RBM47: variants seen among roughly 807,000 people sequenced by gnomAD.
RBM47 encodes the protein RNA-binding protein 47.
Under a neutral mutation model 47.1 loss-of-function variants are expected in RBM47, and 21 were observed. The observed-to-expected ratio is 0.45, with a 90% CI of 0.32 to 0.64. The LOEUF is 0.64. RBM47 is among the 30% of genes least tolerant of loss of function. RBM47 has a pLI of 0.05. For missense variants in RBM47, 708 were observed against 870.9 expected, an observed-to-expected ratio of 0.81 and a Z score of 2.35; for synonymous variants, 375 against 361.7, an observed-to-expected ratio of 1.04 and a Z score of -0.42.
At chr4:40,499,275 A>G (rs1171702061) in intron 2 of RBM47, among the ~76,000 whole-genome samples, 1 of 152,220 alleles carries the variant, frequency 6.6e-6, no homozygotes, top group Non-Finnish European at 1.5e-5. Context: ...AAGTTCTCTT[A>G]AGGTTTTGAA....
chr4:40,438,958 C>A (rs1176191841), intron 3 of RBM47, 34 bp from the exon 4 acceptor site: 11 of 1,449,282 alleles, frequency 7.6e-6, no homozygotes, highest in Non-Finnish European at 1.0e-5. Flanking sequence ...AGTGGGGAAC[C>A]GCTGGATCTT....
intron 1 of RBM47, among the ~76,000 whole-genome samples, chr4:40,569,455 G>C (rs1343262100): frequency 6.6e-6 from 1 of 150,536 alleles, no homozygotes; most frequent in South Asian, 2.1e-4. Context: ...TGTCGCCCAG[G>C]CTGGAGTGCA....
At chr4:40,449,698 A>C (rs955694234) in intron 3 of RBM47, among the ~76,000 whole-genome samples, 1 of 152,170 alleles carries the variant, frequency 6.6e-6, no homozygotes. Flanking sequence ...TTATTTATTT[A>C]GACGGAATCT....
At chr4:40,583,478 A>C (rs2154271630) in intron 1 of RBM47, among the ~76,000 whole-genome samples, 1 of 151,814 alleles carries the variant, frequency 6.6e-6, no homozygotes, top group Middle Eastern at 3.4e-3. Flanking sequence ...AGGCTGAGGA[A>C]ACTCCTGGCC....
chr4:40,587,723 T>A (rs1733729085), intron 1 of RBM47, among the ~76,000 whole-genome samples: 1 of 152,146 alleles, frequency 6.6e-6, no homozygotes, highest in Non-Finnish European at 1.5e-5. Context: ...ATAACACCCC[T>A]CAAAGGTAAG....
At chr4:40,568,860 A>T (rs1731365887) in intron 1 of RBM47, among the ~76,000 whole-genome samples, 1 of 152,004 alleles carries the variant, frequency 6.6e-6, no homozygotes, top group Non-Finnish European at 1.5e-5. Context: ...GGGTGCCTGT[A>T]GTCCCAGCTA....
chr4:40,618,090 A>G (rs1174323499), intron 1 of RBM47, among the ~76,000 whole-genome samples: 1 of 151,974 alleles, frequency 6.6e-6, no homozygotes, highest in African/African-American at 2.4e-5. Flanking sequence ...AAAATACAAA[A>G]AATTAGCCAA....
intron 1 of RBM47, among the ~76,000 whole-genome samples, chr4:40,569,064 A>G (rs182385296): frequency 5.9e-5 from 9 of 151,606 alleles, no homozygotes; most frequent in African/African-American, 1.9e-4. Flanking sequence ...GATAGATAGT[A>G]TATGTGGTCT....
At chr4:40,521,341 C>T (rs1187032247) in intron 2 of RBM47, among the ~76,000 whole-genome samples, 5 of 152,054 alleles carry the variant, frequency 3.3e-5, no homozygotes, top group African/African-American at 1.2e-4. Context: ...GCTGGGATTA[C>T]AGGCACCTGC....
rs574128049 is a variant in RBM47, at chr4:40,423,533, G to A, written c.*2371C>T. ...TACATGAAATGGTTTTGAAACAATA[G>A]GAACAGATAAGTCCCAGATAGGAGG... is the stretch of plus-strand genomic sequence containing the variant. On this transcript the variant is annotated 3_prime_UTR_variant, in exon 7 of 7. Coordinates refer to ENST00000295971, the MANE Select transcript of RBM47 (RefSeq NM_001098634.2). 2.6e-5 allele frequency: 4 copies of A among 151,908 alleles called. No homozygotes were observed. In the South Asian group the frequency reaches 8.3e-4, roughly 32 times the overall value. The allele number at this position is 151,908 out of a possible 1,614,324, so 9.4% of individuals were successfully genotyped here.
chr4:40,487,331 G>A (rs1031503850), intron 2 of RBM47, among the ~76,000 whole-genome samples: 3 of 151,892 alleles, frequency 2.0e-5, no homozygotes, highest in African/African-American at 4.8e-5. Context: ...AGTCTCACTC[G>A]GTCGCCCAGG....
At chr4:40,552,428 G>T (rs932107928) in intron 1 of RBM47, among the ~76,000 whole-genome samples, 2 of 151,708 alleles carry the variant, frequency 1.3e-5, no homozygotes, top group Non-Finnish European at 2.9e-5. Flanking sequence ...ATAATAAAAA[G>T]ATAAAGGATA....
chr4:40,531,111 T>C (rs1727344640), intron 2 of RBM47, among the ~76,000 whole-genome samples: 1 of 151,894 alleles, frequency 6.6e-6, no homozygotes, highest in Admixed American at 6.6e-5. Context: ...ATAAATAAAA[T>C]AGAATTCTCT....
chr4:40,572,353 C>T (rs1017758357), intron 1 of RBM47, among the ~76,000 whole-genome samples: 7 of 145,220 alleles, frequency 4.8e-5, no homozygotes, highest in Non-Finnish European at 1.1e-4. Flanking sequence ...GGTGACAGAG[C>T]GAGACTCCAT....
intron 1 of RBM47, among the ~76,000 whole-genome samples, chr4:40,555,795 T>C (rs549633380): frequency 6.6e-6 from 1 of 152,264 alleles, no homozygotes; most frequent in South Asian, 2.1e-4. Context: ...GTCCCAGAAA[T>C]AGAATTCGGA....
intron 3 of RBM47, among the ~76,000 whole-genome samples, chr4:40,450,615 A>G (rs1577663786): frequency 1.3e-5 from 2 of 152,258 alleles, no homozygotes; most frequent in South Asian, 4.2e-4. Context: ...AAGAAAAAAA[A>G]AAATTATTTC....
At chr4:40,441,446 G>A (rs778366585) in intron 3 of RBM47, among the ~76,000 whole-genome samples, 148 of 152,148 alleles carry the variant, frequency 9.7e-4, no homozygotes, top group Non-Finnish European at 1.5e-3. Context: ...ATCTGAACAT[G>A]AAGACCTTTC....
At chr4:40,472,265 TC>T (rs1176265224) in intron 2 of RBM47, among the ~76,000 whole-genome samples, 2 of 152,180 alleles carry the variant, frequency 1.3e-5, no homozygotes, top group Non-Finnish European at 2.9e-5. Flanking sequence ...AAATTTTATA[TC>T]GTCATTAATA....
intron 1 of RBM47, among the ~76,000 whole-genome samples, chr4:40,554,315 A>G (rs1198512733): frequency 6.6e-6 from 1 of 151,824 alleles, no homozygotes; most frequent in Non-Finnish European, 1.5e-5. Context: ...CACAACAGTA[A>G]CATCTGGGGG....
Sources: allele counts gnomAD v4.1 joint callset (sites outside exome capture counted in the v4.1 genomes callset), GRCh38; gene constraint gnomAD v4.1.1; transcripts MANE v1.5; gene names NCBI Gene and HGNC (gene_info 2026-07-23, HGNC 2026-07-21).